The following GABRA3 variants were observed in gnomAD, a reference collection of about 807,000 sequenced individuals.
The protein encoded by GABRA3 is gamma-aminobutyric acid type A receptor subunit alpha3.
A neutral mutation model predicts 30.1 loss-of-function variants in GABRA3; 10 were observed. The ratio of observed to expected loss-of-function variants is 0.33; its 90% CI spans 0.20 to 0.56. GABRA3 has a LOEUF of 0.56. Among genes scored for constraint, GABRA3 ranks in the 20% least tolerant of loss-of-function variants. The probability of loss-of-function intolerance (pLI) is 0.89; values close to 1 mark genes in which losing one functional copy is unlikely to be tolerated. For synonymous variants in GABRA3, 151 were observed against 146.8 expected (o/e 1.03, Z -0.21); for missense variants, 233 against 392.0 (o/e 0.59, Z 3.42).
chrX:152,446,316 G>A (rs1602735552), intron 1 of GABRA3, among the ~76,000 whole-genome samples: 2 of 111,573 alleles, frequency 1.8e-5, no homozygotes, highest in Admixed American at 9.5e-5. Context: ...GTGGTCTGTC[G>A]AATAATGTCT....
intron 5 of GABRA3, among the ~76,000 whole-genome samples, chrX:152,241,345 G>A (rs1231300130): frequency 1.1e-5 from 1 of 93,876 alleles, no homozygotes; most frequent in Non-Finnish European, 2.4e-5. Flanking sequence ...ACCCACTTGA[G>A]GAGGCAGTCT....
chrX:152,404,685 G>A (rs1249310567), intron 1 of GABRA3, among the ~76,000 whole-genome samples: 1 of 108,630 alleles, frequency 9.2e-6, no homozygotes, highest in African/African-American at 3.4e-5. Flanking sequence ...GAGGAGTCTA[G>A]ACCCCAAACC....
At chrX:152,222,691 G>A (rs1010622016) in intron 6 of GABRA3, among the ~76,000 whole-genome samples, 5 of 110,018 alleles carry the variant, frequency 4.5e-5, no homozygotes, top group African/African-American at 1.3e-4. Context: ...CTTTTCCACC[G>A]TAGAGTCTTC....
chrX:152,305,829 A>C (rs1431379459), intron 3 of GABRA3, among the ~76,000 whole-genome samples: 9 of 111,692 alleles, frequency 8.1e-5, no homozygotes, highest in Non-Finnish European at 1.9e-5. Context: ...TATCAAAACC[A>C]ATGAAACAGA....
intron 5 of GABRA3, among the ~76,000 whole-genome samples, chrX:152,237,884 T>G (rs775734858): frequency 0.018 from 1,951 of 109,477 alleles, 39 homozygotes; most frequent in Middle Eastern, 0.048. Context: ...AGCTTAAGGA[T>G]ATTTTGGGCT....
chrX:152,338,784 G>A (rs1348016395), intron 3 of GABRA3, among the ~76,000 whole-genome samples: 5 of 112,028 alleles, frequency 4.5e-5, no homozygotes, highest in African/African-American at 1.3e-4. Flanking sequence ...TTGTTGAAGC[G>A]ACTGTCCTTT....
chrX:152,331,292 G>A (rs946650833), intron 3 of GABRA3, among the ~76,000 whole-genome samples: 1 of 109,681 alleles, frequency 9.1e-6, no homozygotes, highest in South Asian at 3.9e-4. Flanking sequence ...ACTAACTCAC[G>A]AATTAGAGGT....
chrX:152,420,444 A>G (rs1335659827), intron 1 of GABRA3, among the ~76,000 whole-genome samples: 2 of 111,768 alleles, frequency 1.8e-5, no homozygotes, highest in Non-Finnish European at 3.8e-5. Flanking sequence ...TATTTTAAAT[A>G]CCACAAAAAA....
intron 7 of GABRA3, among the ~76,000 whole-genome samples, chrX:152,198,429 C>T (rs1205608663): frequency 8.9e-6 from 1 of 112,537 alleles, no homozygotes; most frequent in Non-Finnish European, 1.9e-5. Context: ...TTACTGTGTG[C>T]CAAAATATTT....
intron 5 of GABRA3, among the ~76,000 whole-genome samples, chrX:152,227,362 T>A (rs1417286831): frequency 1.4e-5 from 1 of 69,377 alleles, no homozygotes; most frequent in Non-Finnish European, 2.5e-5. Context: ...AAGGGGAACA[T>A]CACACTCTGG....
intron 8 of GABRA3, 70 bp from the exon 9 acceptor site, chrX:152,190,011 A>T (rs767749649): frequency 6.4e-6 from 5 of 782,491 alleles, no homozygotes; most frequent in Non-Finnish European, 9.3e-6. Flanking sequence ...GAAATCACTA[A>T]TTTCCTATTT....
chrX:152,365,099 A>G (rs1170491189), intron 1 of GABRA3, among the ~76,000 whole-genome samples: 1 of 111,698 alleles, frequency 9.0e-6, no homozygotes, highest in Admixed American at 9.6e-5. Flanking sequence ...GAATCCTACT[A>G]TCCTAGTATA....
intron 1 of GABRA3, among the ~76,000 whole-genome samples, chrX:152,392,909 G>A (rs1421564284): frequency 8.9e-6 from 1 of 111,796 alleles, no homozygotes; most frequent in Non-Finnish European, 1.9e-5. Flanking sequence ...CAAGAGCCAC[G>A]GTACAGGGGT....
chrX:152,349,076 C>T (rs1307143932), intron 2 of GABRA3, among the ~76,000 whole-genome samples: 1 of 112,106 alleles, frequency 8.9e-6, no homozygotes, highest in African/African-American at 3.2e-5. Context: ...AAAATTGGAG[C>T]CAATCCTCTT....
At chrX:152,201,148 A>AATTAACTTAATCAGTTAATT (rs1937478948) in intron 7 of GABRA3, among the ~76,000 whole-genome samples, 4 of 112,528 alleles carry the variant, frequency 3.6e-5, no homozygotes, top group African/African-American at 1.3e-4. Flanking sequence ...TTAATTTATT[A>AATTAACTTAATCAGTTAATT]TGTCAATTAA....
intron 1 of GABRA3, among the ~76,000 whole-genome samples, chrX:152,396,152 T>C (rs1388805672): frequency 9.0e-6 from 1 of 111,351 alleles, no homozygotes; most frequent in East Asian, 2.8e-4. Flanking sequence ...AATTTAGATA[T>C]AACAGACAAC....
At chrX:152,259,067 G>A (rs1156732779) in intron 4 of GABRA3, among the ~76,000 whole-genome samples, 2 of 111,813 alleles carry the variant, frequency 1.8e-5, no homozygotes, top group African/African-American at 3.3e-5. Flanking sequence ...GTACACTGAC[G>A]AGGGGGAGAA....
At chrX:152,291,239 T>C (rs1034528960) in intron 3 of GABRA3, among the ~76,000 whole-genome samples, 7 of 111,862 alleles carry the variant, frequency 6.3e-5, no homozygotes, top group African/African-American at 2.3e-4. Flanking sequence ...ACATCTCTTG[T>C]AAGTTGGATT....
chrX:152,310,177 A>G (rs1939778503), intron 3 of GABRA3, among the ~76,000 whole-genome samples: 1 of 112,370 alleles, frequency 8.9e-6, no homozygotes, highest in Non-Finnish European at 1.9e-5. Context: ...TAGCCACTCA[A>G]TAATAGTGAG....
Sources: gnomAD v4.1 joint callset for allele counts (sites outside exome capture counted in the v4.1 genomes callset) on GRCh38, gnomAD v4.1.1 for gene constraint, MANE v1.5 for transcripts, NCBI Gene and HGNC (gene_info 2026-07-23, HGNC 2026-07-21) for gene names.